HPSE2: variants seen among roughly 807,000 people sequenced by gnomAD.
The protein encoded by HPSE2 is inactive heparanase-2.
In HPSE2, 38 loss-of-function variants were observed where a neutral mutation model predicts 60.5. The ratio of observed to expected loss-of-function variants is 0.63; its 90% CI spans 0.48 to 0.82. HPSE2 has a LOEUF of 0.82. HPSE2 is among the 40% of genes least tolerant of loss of function. HPSE2 has a pLI of 0.00. For missense variants in HPSE2, 713 were observed against 740.4 expected, an observed-to-expected ratio of 0.96 and a Z score of 0.43; for synonymous variants, 295 against 293.2, an observed-to-expected ratio of 1.01 and a Z score of -0.06.
At chr10:98,926,807 T>C (rs188412888) in intron 3 of HPSE2, among the ~76,000 whole-genome samples, 327 of 152,304 alleles carry the variant, frequency 2.1e-3, no homozygotes, top group Admixed American at 3.9e-3. Flanking sequence ...AAAAGTCTGC[T>C]CCCAAACTGT....
intron 3 of HPSE2, among the ~76,000 whole-genome samples, chr10:98,802,803 C>A (rs1302939887): frequency 2.9e-5 from 4 of 139,636 alleles, no homozygotes; most frequent in Non-Finnish European, 3.1e-5. Context: ...GTCTTTATAG[C>A]AGCATGATTT....
intron 4 of HPSE2, among the ~76,000 whole-genome samples, chr10:98,724,626 C>T (rs1029326039): frequency 1.3e-5 from 2 of 152,100 alleles, no homozygotes; most frequent in Non-Finnish European, 2.9e-5. Flanking sequence ...TCACTAAGGA[C>T]TTGCTTTATG....
Position 98,867,408 on chromosome 10 carries a change from T to C in HPSE2, c.611-123352A>G, listed in dbSNP as rs550078328. On this transcript the variant is annotated intron_variant, in intron 3 of 11. Transcript: ENST00000370552. ...GCATATGAAAAAGTGCTCAACAACA[T>C]TGATCATCAGAGAAATGGAAATCAA... 8.5e-5 allele frequency among the ~76,000 whole-genome samples: 13 copies of C among 152,136 alleles called. No individual in the cohort carries two copies. The East Asian group carries it at 9.7e-4, about 11-fold the overall frequency.
chr10:99,186,129 C>CACACACACACACACACACAT lies in HPSE2; in HGVS notation c.449-41731_449-41730insATGTGTGTGTGTGTGTGTGT, dbSNP rs1554912904. 8.8e-3 allele frequency among the ~76,000 whole-genome samples: 1,244 copies of CACACACACACACACACACAT among 141,676 alleles called. 34 individuals carry two copies. Among genetic ancestry groups the CACACACACACACACACACAT allele is most frequent in the Non-Finnish European group, 0.014 (895 of 64,422 alleles). 92.9% of individuals were successfully genotyped at this position (141,676 alleles called of 152,430 possible). A position where few individuals can be genotyped will look rare whatever the true frequency, so the allele number is the denominator to read the frequency against. On this transcript the variant is annotated intron_variant, in intron 2 of 11. Coordinates refer to ENST00000370552, the MANE Select transcript of HPSE2 (RefSeq NM_021828.5). ...CCACACACACACACACACACACACA[C>CACACACACACACACACACAT]ACACACACACACACACACACACACA...
At chr10:99,038,588 T>G (rs1957663388) in intron 3 of HPSE2, among the ~76,000 whole-genome samples, 1 of 152,148 alleles carries the variant, frequency 6.6e-6, no homozygotes, top group African/African-American at 2.4e-5. Context: ...GGAATATTTC[T>G]GTATCTTGAC....
intron 7 of HPSE2, among the ~76,000 whole-genome samples, chr10:98,630,191 T>TTG (rs1554958083): frequency 7.4e-5 from 11 of 149,542 alleles, no homozygotes; most frequent in African/African-American, 2.7e-4. Flanking sequence ...TCGTTTTTTT[T>TTG]TTTGTTTTTT....
intron 9 of HPSE2, among the ~76,000 whole-genome samples, chr10:98,568,531 G>A (rs671244): frequency 0.85 from 129,172 of 152,040 alleles, 56,136 homozygotes; most frequent in East Asian, 1. Flanking sequence ...TGGGCATAGA[G>A]CAGTCTCTAG....
intron 3 of HPSE2, among the ~76,000 whole-genome samples, chr10:98,850,572 T>TA (rs1318197338): frequency 6.6e-6 from 1 of 151,716 alleles, no homozygotes; most frequent in East Asian, 1.9e-4. Context: ...CCGTCTCTAC[T>TA]AAAAATACAA....
the HPSE2 span, among the ~76,000 whole-genome samples, chr10:99,262,885 T>C: frequency 6.6e-6 from 1 of 152,094 alleles, no homozygotes; most frequent in African/African-American, 2.4e-5. Context: ...CCCCTTGCCA[T>C]TCCTTAAAAA....
the HPSE2 span, among the ~76,000 whole-genome samples, chr10:99,291,128 G>A: frequency 6.6e-6 from 1 of 152,148 alleles, no homozygotes; most frequent in Non-Finnish European, 1.5e-5. Flanking sequence ...TTACAAGTAG[G>A]AGTAAAGGGT....
intron 7 of HPSE2, among the ~76,000 whole-genome samples, chr10:98,632,473 G>T (rs1946389393): frequency 6.6e-6 from 1 of 152,066 alleles, no homozygotes; most frequent in Non-Finnish European, 1.5e-5. Flanking sequence ...AAGGTTCATG[G>T]AATGACAATG....
chr10:98,744,177 G>T (rs1272026984), intron 3 of HPSE2, 121 bp from the exon 4 acceptor site: 38 of 906,348 alleles, frequency 4.2e-5, no homozygotes, highest in Non-Finnish European at 5.8e-5. Flanking sequence ...ACACAGACAG[G>T]CTTCTAAAAG....
Position 98,550,915 on chromosome 10 carries a change from AGTTT to A in HPSE2, c.1321-60723_1321-60720del, listed in dbSNP as rs1359775591. ...TGAGCCACTGAACTTGGCCGGGACT[AGTTT>A]GTTTTGATCTCAGTTGTACCTCCAG... On this transcript the variant is annotated intron_variant, in intron 9 of 11. Transcript: ENST00000370552. 2.0e-5 allele frequency among the ~76,000 whole-genome samples: 3 copies of A among 152,078 alleles called. No individual in the cohort carries two copies. The East Asian group carries it at 5.8e-4, about 29-fold the overall frequency.
chr10:98,740,303 G>A (rs1332106970), intron 4 of HPSE2, among the ~76,000 whole-genome samples: 1 of 151,570 alleles, frequency 6.6e-6, no homozygotes, highest in Non-Finnish European at 1.5e-5. Context: ...AGTCTCCCAA[G>A]TACCCAGGAT....
chr10:99,184,817 T>TATATATATATATATATATATACATAC (rs1181998207), intron 2 of HPSE2, among the ~76,000 whole-genome samples: 2 of 17,194 alleles, frequency 1.2e-4, no homozygotes, highest in Admixed American at 7.8e-4. Flanking sequence ...TATATATATA[T>TATATATATATATATATATATACATAC]ATAGAGAGAG....
At chr10:98,777,335 A>C (rs946189026) in intron 3 of HPSE2, among the ~76,000 whole-genome samples, 2 of 152,206 alleles carry the variant, frequency 1.3e-5, no homozygotes, top group Non-Finnish European at 2.9e-5. Context: ...AGACAAACTG[A>C]ATTCAAACCA....
intron 2 of HPSE2, among the ~76,000 whole-genome samples, chr10:99,202,427 T>C (rs1223580966): frequency 1.3e-5 from 2 of 152,180 alleles, no homozygotes; most frequent in African/African-American, 4.8e-5. Context: ...AGAGTAACCA[T>C]GTATTGTTGA....
At chr10:99,182,970 C>CA (rs1221937008) in intron 2 of HPSE2, among the ~76,000 whole-genome samples, 6 of 151,556 alleles carry the variant, frequency 4.0e-5, no homozygotes, top group Admixed American at 6.6e-5. Context: ...CACACACACA[C>CA]AAAAAAAACT....
chr10:99,036,955 A>C lies in HPSE2; in HGVS notation c.610+107283T>G, dbSNP rs543350457. 2.0e-3 allele frequency among the ~76,000 whole-genome samples: 299 copies of C among 152,304 alleles called. 1 individual carries two copies. The highest frequency in any genetic ancestry group is 3.5e-3 in the Non-Finnish European group (239 of 68,014). ...TAAGTTAACAGAGAAAAAACCTGGC[A>C]AACACCGCAGTAACTAAAAGAGCAA... is the stretch of plus-strand genomic sequence containing the variant. On this transcript the variant is annotated intron_variant, in intron 3 of 11. Coordinates refer to ENST00000370552, the MANE Select transcript of HPSE2 (RefSeq NM_021828.5).
Sources: gnomAD v4.1 joint callset for allele counts (sites outside exome capture counted in the v4.1 genomes callset) on GRCh38, gnomAD v4.1.1 for gene constraint, MANE v1.5 for transcripts, NCBI Gene and HGNC (gene_info 2026-07-23, HGNC 2026-07-21) for gene names.